Variants in MGAT4C observed in about 807,000 individuals in gnomAD.
MGAT4C encodes the protein MGAT4 family member C.
In MGAT4C, 19 loss-of-function variants were observed where a neutral mutation model predicts 40.1. That is an observed-to-expected ratio of 0.47 (90% CI 0.33 to 0.70). The LOEUF (loss-of-function observed/expected upper bound fraction) is 0.70. MGAT4C is among the 30% of genes least tolerant of loss of function. The pLI is 0.02. For missense variants in MGAT4C, 491 were observed against 563.2 expected, an observed-to-expected ratio of 0.87 and a Z score of 1.30; for synonymous variants, 181 against 187.1, an observed-to-expected ratio of 0.97 and a Z score of 0.27.
chr12:86,746,869 A>G (rs748336101), intron 1 of MGAT4C, among the ~76,000 whole-genome samples: 2 of 151,624 alleles, frequency 1.3e-5, no homozygotes, highest in African/African-American at 2.4e-5. Flanking sequence ...GTGATAATTT[A>G]ACAAAATAGT....
intron 3 of MGAT4C, among the ~76,000 whole-genome samples, chr12:86,407,270 T>C (rs1470445670): frequency 6.6e-6 from 1 of 152,084 alleles, no homozygotes; most frequent in Non-Finnish European, 1.5e-5. Flanking sequence ...TAGAATTGAG[T>C]ATCCTTATCA....
chr12:86,564,200 G>T (rs139159216), intron 2 of MGAT4C, among the ~76,000 whole-genome samples: 5 of 152,084 alleles, frequency 3.3e-5, no homozygotes, highest in Non-Finnish European at 7.4e-5. Context: ...GCTTAACCAG[G>T]TAGTAACTCC....
At chr12:86,003,241 G>A (rs1387266469) in intron 2 of MGAT4C, among the ~76,000 whole-genome samples, 1 of 152,068 alleles carries the variant, frequency 6.6e-6, no homozygotes, top group African/African-American at 2.4e-5. Flanking sequence ...ATTAATACTA[G>A]CTTCATATTG....
intron 3 of MGAT4C, among the ~76,000 whole-genome samples, chr12:86,363,124 A>G (rs897532322): frequency 6.6e-6 from 1 of 152,098 alleles, no homozygotes; most frequent in Non-Finnish European, 1.5e-5. Flanking sequence ...TAATAAAACA[A>G]GTACACAGAA....
chr12:86,649,297 C>A (rs1260753530), intron 2 of MGAT4C, among the ~76,000 whole-genome samples: 2 of 151,666 alleles, frequency 1.3e-5, no homozygotes, highest in African/African-American at 2.4e-5. Flanking sequence ...TATACAGGTT[C>A]TTTTCATTCA....
intron 3 of MGAT4C, among the ~76,000 whole-genome samples, chr12:86,367,667 C>T (rs965959367): frequency 5.9e-5 from 9 of 152,116 alleles, no homozygotes; most frequent in Admixed American, 2.6e-4. Context: ...GGCGTGGTGG[C>T]AGGTGCCTGT....
In MGAT4C at chr12:86,401,139, A is replaced by G. The variant is rs553940467; in HGVS notation, c.-120+34018T>C. 3.3e-5 allele frequency among the ~76,000 whole-genome samples: 5 copies of G among 152,104 alleles called. No homozygotes were observed. The South Asian group carries it at 1.0e-3, about 32-fold the overall frequency. On this transcript the variant is annotated intron_variant, in intron 3 of 7. Coordinates refer to the MGAT4C transcript ENST00000548651. ...AATAGTGTTTACATAGGTAACTTAA[A>G]TATTTTTGAACTCATGGATTTTTTT...
At chr12:86,041,417 A>G (rs1021677913) in intron 2 of MGAT4C, among the ~76,000 whole-genome samples, 14 of 151,876 alleles carry the variant, frequency 9.2e-5, no homozygotes, top group African/African-American at 3.4e-4. Flanking sequence ...ATGTTATGTT[A>G]TTAATTTTAA....
At chr12:86,289,439 G>A (rs917716082) in intron 4 of MGAT4C, among the ~76,000 whole-genome samples, 2 of 151,756 alleles carry the variant, frequency 1.3e-5, no homozygotes, top group African/African-American at 2.4e-5. Context: ...CAAGTTATCT[G>A]AAGAATGTCA....
chr12:86,730,150 T>C (rs1231595132), intron 1 of MGAT4C, among the ~76,000 whole-genome samples: 1 of 151,948 alleles, frequency 6.6e-6, no homozygotes, highest in African/African-American at 2.4e-5. Flanking sequence ...ATAAATCTGG[T>C]CGAACATAAA....
chr12:86,405,962 ATT>A (rs1565738077), intron 3 of MGAT4C, among the ~76,000 whole-genome samples: 1 of 46,188 alleles, frequency 2.2e-5, no homozygotes, highest in Non-Finnish European at 4.2e-5. Context: ...ATGTATTTAT[ATT>A]ATACATATAT....
chr12:86,795,888 T>C (rs2136197614), intron 1 of MGAT4C, among the ~76,000 whole-genome samples: 1 of 152,086 alleles, frequency 6.6e-6, no homozygotes, highest in South Asian at 2.1e-4. Flanking sequence ...TGAATGCCTG[T>C]AAAGTGTGTC....
chr12:86,474,460 T>G (rs544124674), intron 2 of MGAT4C, among the ~76,000 whole-genome samples: 5 of 151,580 alleles, frequency 3.3e-5, no homozygotes, highest in Non-Finnish European at 7.4e-5. Context: ...GCATGGCACA[T>G]GTATACATAT....
At chr12:86,334,979 T>G (rs937075685) in intron 3 of MGAT4C, among the ~76,000 whole-genome samples, 1 of 152,072 alleles carries the variant, frequency 6.6e-6, no homozygotes, top group Non-Finnish European at 1.5e-5. Flanking sequence ...TTCAGAAAAA[T>G]TCATTTGAAT....
At chr12:86,774,380 G>A (rs11104078) in intron 1 of MGAT4C, among the ~76,000 whole-genome samples, 1 of 52,334 alleles carries the variant, frequency 1.9e-5, no homozygotes, top group African/African-American at 6.4e-5. Flanking sequence ...CTTTCTGTCT[G>A]TCTCTCTCTC....
At chr12:86,471,223 G>T (rs1328815652) in intron 2 of MGAT4C, among the ~76,000 whole-genome samples, 6 of 151,896 alleles carry the variant, frequency 4.0e-5, no homozygotes, top group East Asian at 1.9e-4. Context: ...AAACATAAAA[G>T]ATAATTTTTC....
intron 2 of MGAT4C, chr12:86,015,789 A>G (rs1469631448): frequency 2.6e-5 from 4 of 152,186 alleles, no homozygotes; most frequent in African/African-American, 9.7e-5. Flanking sequence ...TATTTTGTAA[A>G]TGCAAAGCAA....
chr12:86,024,722 C>G (rs2136879665), intron 2 of MGAT4C, among the ~76,000 whole-genome samples: 1 of 151,902 alleles, frequency 6.6e-6, no homozygotes, highest in Non-Finnish European at 1.5e-5. Flanking sequence ...AACTATCCTA[C>G]AGCCTACTCC....
chr12:86,052,324 T>C (rs550354170), intron 1 of MGAT4C, among the ~76,000 whole-genome samples: 3 of 151,858 alleles, frequency 2.0e-5, no homozygotes, highest in African/African-American at 4.8e-5. Context: ...CTAAAAATTA[T>C]TGTTGATTTG....
Sources: gnomAD v4.1 joint callset for allele counts (sites outside exome capture counted in the v4.1 genomes callset) on GRCh38, gnomAD v4.1.1 for gene constraint, MANE v1.5 for transcripts, NCBI Gene and HGNC (gene_info 2026-07-23, HGNC 2026-07-21) for gene names.